Variants in HIVEP3 observed in about 807,000 individuals in gnomAD.
The protein encoded by HIVEP3 is HIVEP zinc finger 3.
In HIVEP3, 49 loss-of-function variants were observed where a neutral mutation model predicts 152.8. The ratio of observed to expected loss-of-function variants is 0.32; its 90% CI spans 0.26 to 0.41. HIVEP3 has a LOEUF of 0.41. HIVEP3 is among the 10% of genes least tolerant of loss of function. HIVEP3 has a pLI of 1.00. For synonymous variants in HIVEP3, 1,269 were observed against 1,289.0 expected (o/e 0.98, Z 0.33); for missense variants, 2,790 against 3,103.3 (o/e 0.90, Z 2.40).
At chr1:42,023,354 T>G (rs1333003659) in intron 1 of HIVEP3, among the ~76,000 whole-genome samples, 1 of 152,146 alleles carries the variant, frequency 6.6e-6, no homozygotes, top group Non-Finnish European at 1.5e-5. Flanking sequence ...TTTAAGCCCT[T>G]CCCTACGCAG....
intron 1 of HIVEP3, among the ~76,000 whole-genome samples, chr1:41,979,069 C>T (rs941032270): frequency 2.6e-5 from 4 of 152,178 alleles, no homozygotes; most frequent in Non-Finnish European, 4.4e-5. Flanking sequence ...GCACAGGGCA[C>T]CTGCACCAGC....
rs1644902206 is a variant in HIVEP3 at position 41,918,145 on chromosome 1, C to T, written c.-801+268G>A. Among the ~76,000 whole-genome samples, 1 of 152,172 alleles carries T rather than the reference C, an allele frequency of 6.6e-6. No individual in the cohort carries two copies. Among genetic ancestry groups the T allele is most frequent in the African/African-American group, 2.4e-5 (1 of 41,446 alleles). ...CCGCCGCCGCCGCCTGTGATTGACGCGCGGGGGTCACTTGAGGCTCGCGCC... is the reference window on the plus strand; with the variant it reads ...CCGCCGCCGCCGCCTGTGATTGACGTGCGGGGGTCACTTGAGGCTCGCGCC... On this transcript the variant is annotated intron_variant, in intron 1 of 8. Transcript: ENST00000372583. This position sits in a 1 kb window ranked among gnomAD's most constrained non-coding sequence, Gnocchi z 4.3.
In HIVEP3 at chr1:41,615,521, A is replaced by G. The variant is rs888264301; in HGVS notation, c.-522+13228T>C. Reference sequence around the variant, plus strand: ...GAGAAGGGATTCGCGCAAGACCACAAGGCCAGTGACAGGACAGGCACCAAG... The same window carrying G: ...GAGAAGGGATTCGCGCAAGACCACAGGGCCAGTGACAGGACAGGCACCAAG... On this transcript the variant is annotated intron_variant, in intron 3 of 8. Transcript: ENST00000372583. Among the ~76,000 whole-genome samples, 6 of 152,250 alleles carry G rather than the reference A, an allele frequency of 3.9e-5. No homozygotes were observed. In the South Asian group the frequency reaches 1.2e-3, roughly 32 times the overall value.
intron 1 of HIVEP3, among the ~76,000 whole-genome samples, chr1:41,732,315 G>A (rs1037860993): frequency 1.6e-4 from 25 of 152,268 alleles, no homozygotes; most frequent in South Asian, 8.3e-4. Context: ...ATATGGAAAC[G>A]GAGATTAAGC....
intron 2 of HIVEP3, among the ~76,000 whole-genome samples, chr1:41,681,089 G>GGTGTGTGTGTGTGTGTGTGT (rs35572259): frequency 8.5e-4 from 126 of 148,330 alleles, no homozygotes; most frequent in South Asian, 8.7e-4. Context: ...GCTAAGAACT[G>GGTGTGTGTGTGTGTGTGTGT]GTGTGTGTGT....
Position 41,580,151 on chromosome 1 carries a change from C to T in HIVEP3, c.4647G>A (p.Leu1549=). 1 of 1,613,686 alleles carries T rather than the reference C, an allele frequency of 6.2e-7. No individual in the cohort carries two copies. Among genetic ancestry groups the T allele is most frequent in the Non-Finnish European group, 8.5e-7 (1 of 1,179,760 alleles). The change falls in exon 4 of 9, where the codon CTG becomes CTA. Residue 1549 remains leucine, a synonymous_variant. Coordinates refer to ENST00000372583, the MANE Select transcript of HIVEP3 (RefSeq NM_024503.5). ...CCTTGGAATCTTCTTTCTTCACGCTCAGTGGGGTCAACCCTCTTCGGTGAG... is the reference window on the plus strand; with the variant it reads ...CCTTGGAATCTTCTTTCTTCACGCTTAGTGGGGTCAACCCTCTTCGGTGAG... ...GKPHRRGLTP[L]SVKKEDSKEQ... is the part of the protein sequence containing the mutation.
At chr1:41,723,787 A>G (rs1345725204) in intron 1 of HIVEP3, among the ~76,000 whole-genome samples, 1 of 152,116 alleles carries the variant, frequency 6.6e-6, no homozygotes, top group Non-Finnish European at 1.5e-5. Flanking sequence ...TAGGAGTGAA[A>G]CATCTCAGCA....
chr1:41,523,461 C>T (rs1317802443), intron 6 of HIVEP3, among the ~76,000 whole-genome samples: 1 of 151,766 alleles, frequency 6.6e-6, no homozygotes, highest in African/African-American at 2.4e-5. Flanking sequence ...CAGATGATGG[C>T]GAGGGGACAG....
intron 1 of HIVEP3, among the ~76,000 whole-genome samples, chr1:41,957,704 G>A (rs1645147274): frequency 6.6e-6 from 1 of 152,142 alleles, no homozygotes; most frequent in Non-Finnish European, 1.5e-5. Context: ...TCTATTCTTA[G>A]CTAAAGGATA....
At chr1:41,650,275 C>T (rs1276467913) in intron 2 of HIVEP3, among the ~76,000 whole-genome samples, 2 of 152,058 alleles carry the variant, frequency 1.3e-5, no homozygotes, top group African/African-American at 4.8e-5. Flanking sequence ...GACACGTGGG[C>T]GGTGACAGAG....
chr1:41,900,724 C>T (rs1303427810), intron 1 of HIVEP3, among the ~76,000 whole-genome samples: 2 of 151,976 alleles, frequency 1.3e-5, no homozygotes, highest in African/African-American at 2.4e-5. Context: ...CACATATGGG[C>T]CTCCCTAAAA....
chr1:41,718,434 C>T (rs779625589), intron 1 of HIVEP3, among the ~76,000 whole-genome samples: 90 of 152,346 alleles, frequency 5.9e-4, no homozygotes, highest in Non-Finnish European at 7.8e-4. Context: ...AGATAATCTA[C>T]GTAAAGTGCT....
chr1:41,779,113 C>T (rs1648884348), intron 1 of HIVEP3, among the ~76,000 whole-genome samples: 1 of 152,234 alleles, frequency 6.6e-6, no homozygotes, highest in South Asian at 2.1e-4. Context: ...TGCCCTCCAA[C>T]CCAAGATGGT....
At chr1:41,934,731 A>G (rs1645011977) in intron 1 of HIVEP3, among the ~76,000 whole-genome samples, 1 of 152,174 alleles carries the variant, frequency 6.6e-6, no homozygotes, top group African/African-American at 2.4e-5. Context: ...AAAATCCTAT[A>G]GGAGTTAAGT....
intron 3 of HIVEP3, among the ~76,000 whole-genome samples, chr1:41,604,845 T>C (rs1334511957): frequency 6.6e-6 from 1 of 152,144 alleles, no homozygotes; most frequent in Non-Finnish European, 1.5e-5. Flanking sequence ...GGCTCATGCC[T>C]ATAATCTCAG....
At chr1:41,974,180 T>A (rs1645246540) in intron 1 of HIVEP3, among the ~76,000 whole-genome samples, 1 of 151,822 alleles carries the variant, frequency 6.6e-6, no homozygotes, top group Non-Finnish European at 1.5e-5. Context: ...AAAGGGGCAA[T>A]GTCTATTTTT....
At position 41,584,045 on chromosome 1, in the gene HIVEP3, G is replaced by A; in HGVS notation, c.753C>T (p.Ala251=). Residue 251 remains alanine (A), a synonymous_variant, in exon 4 of 9, where the codon GCC becomes GCT. Transcript: ENST00000372583. The surrounding 1 kb of genome is among the most constrained non-coding windows in gnomAD (Gnocchi z 5.2). ...GGTACATCTCGCCACCCATGCCTGAGGCCAGGCCTGCTTTGATGCGGTGGG... is the reference window on the plus strand; with the variant it reads ...GGTACATCTCGCCACCCATGCCTGAAGCCAGGCCTGCTTTGATGCGGTGGG... ...SHAHRIKAGL[A]SGMGGEMYPH... 1 of 1,614,186 alleles carries A rather than the reference G, an allele frequency of 6.2e-7. No individual in the cohort carries two copies. The highest frequency in any genetic ancestry group is 8.5e-7 in the Non-Finnish European group (1 of 1,180,026).
At chr1:41,655,123 TCTGACCGAG>T (rs1645609471) in intron 2 of HIVEP3, among the ~76,000 whole-genome samples, 1 of 152,148 alleles carries the variant, frequency 6.6e-6, no homozygotes, top group African/African-American at 2.4e-5. Flanking sequence ...GTCTGAGCTG[TCTGACCGAG>T]CCGACCCTTC....
intron 2 of HIVEP3, among the ~76,000 whole-genome samples, chr1:41,671,486 A>T (rs955118814): frequency 6.6e-6 from 1 of 152,206 alleles, no homozygotes; most frequent in African/African-American, 2.4e-5. Flanking sequence ...AGGCCCTGCC[A>T]TGGGGAAGGC....
Sources: gnomAD v4.1 joint callset for allele counts (sites outside exome capture counted in the v4.1 genomes callset) on GRCh38, gnomAD v4.1.1 for gene constraint, Gnocchi (gnomAD v3.1) non-coding constraint, MANE v1.5 for transcripts, NCBI Gene and HGNC (gene_info 2026-07-23, HGNC 2026-07-21) for gene names.